The following WDFY2 variants were observed in gnomAD, a reference collection of about 807,000 sequenced individuals.
WDFY2 encodes WD repeat and FYVE domain containing 2, also known as WD repeat and FYVE domain-containing protein 2.
A neutral mutation model predicts 56.4 loss-of-function variants in WDFY2; 36 were observed. The ratio of observed to expected loss-of-function variants is 0.64; its 90% CI spans 0.49 to 0.84. The LOEUF is 0.84. Among genes scored for constraint, WDFY2 ranks in the 40% least tolerant of loss-of-function variants. The pLI, the probability that WDFY2 is intolerant of heterozygous loss-of-function variation, is 0.00. For missense variants in WDFY2, 444 were observed against 512.2 expected, an observed-to-expected ratio of 0.87 and a Z score of 1.29; for synonymous variants, 176 against 183.7, an observed-to-expected ratio of 0.96 and a Z score of 0.34.
At chr13:51,684,925 C>T (rs1956037088) in intron 3 of WDFY2, among the ~76,000 whole-genome samples, 1 of 152,218 alleles carries the variant, frequency 6.6e-6, no homozygotes, top group Non-Finnish European at 1.5e-5. Flanking sequence ...GTTCTATACA[C>T]ATTCCCCTGT....
chr13:51,701,565 A>G (rs940825853), intron 3 of WDFY2, among the ~76,000 whole-genome samples: 4 of 151,638 alleles, frequency 2.6e-5, no homozygotes, highest in Admixed American at 1.3e-4. Flanking sequence ...GACAAAATCT[A>G]AATTTTCTCC....
chr13:51,723,631 G>A (rs1197513537), intron 5 of WDFY2, among the ~76,000 whole-genome samples: 3 of 152,142 alleles, frequency 2.0e-5, no homozygotes, highest in Non-Finnish European at 4.4e-5. Flanking sequence ...TTCAGATTCA[G>A]CCTTTTAGTG....
At chr13:51,590,670 A>C (rs1954025245) in intron 1 of WDFY2, 1 of 152,182 alleles carries the variant, frequency 6.6e-6, no homozygotes, top group South Asian at 2.1e-4. Context: ...GCAGAATAGA[A>C]AGAATTTAAA....
intron 5 of WDFY2, 147 bp from the exon 6 acceptor site, chr13:51,727,531 T>G (rs1202620394): frequency 1.5e-6 from 1 of 662,056 alleles, no homozygotes; most frequent in Non-Finnish European, 2.5e-6. Flanking sequence ...CTTCATTTAG[T>G]TAAGTTCACT....
At chr13:51,700,498 C>A (rs1167476734) in intron 3 of WDFY2, among the ~76,000 whole-genome samples, 2 of 152,120 alleles carry the variant, frequency 1.3e-5, no homozygotes, top group African/African-American at 4.8e-5. Context: ...TTTAAAAACT[C>A]AATTTGGCCA....
intron 1 of WDFY2, among the ~76,000 whole-genome samples, chr13:51,620,198 A>C (rs1318075028): frequency 8.0e-6 from 1 of 125,576 alleles, no homozygotes. Flanking sequence ...TTTCCTCACT[A>C]AGATGGCATC....
intron 7 of WDFY2, among the ~76,000 whole-genome samples, chr13:51,741,708 T>C (rs1437467870): frequency 6.6e-6 from 1 of 152,186 alleles, no homozygotes; most frequent in African/African-American, 2.4e-5. Context: ...CGTTCAATCT[T>C]GCAATAACAC....
Position 51,584,673 on chromosome 13 carries a change from G to C in WDFY2, c.-15G>C. The C allele has an allele frequency of 6.2e-7, 1 of 1,606,400 alleles. No individual in the cohort carries two copies. Among genetic ancestry groups the C allele is most frequent in the Non-Finnish European group, 8.5e-7 (1 of 1,177,382 alleles). On this transcript the variant is annotated 5_prime_UTR_variant, in exon 1 of 12. Coordinates refer to ENST00000298125, the MANE Select transcript of WDFY2 (RefSeq NM_052950.4). ...CGCGGTTGGCGGCGGCGCCCCAGGC[G>C]CGCCCCCTCCTCCGATGGCGGCGGA...
At chr13:51,642,676 CTTT>C (rs999605077) in intron 1 of WDFY2, among the ~76,000 whole-genome samples, 6 of 103,058 alleles carry the variant, frequency 5.8e-5, no homozygotes, top group Non-Finnish European at 5.8e-5. Flanking sequence ...GGGCATCTGT[CTTT>C]TTTTTTTTTT....
chr13:51,640,345 T>C (rs1955131724), intron 1 of WDFY2, among the ~76,000 whole-genome samples: 1 of 152,188 alleles, frequency 6.6e-6, no homozygotes, highest in African/African-American at 2.4e-5. Context: ...CACACAGAAA[T>C]AGCAATATAT....
At chr13:51,627,117 G>A (rs1025257525) in intron 1 of WDFY2, among the ~76,000 whole-genome samples, 3 of 152,220 alleles carry the variant, frequency 2.0e-5, no homozygotes, top group Admixed American at 1.3e-4. Flanking sequence ...TTCTGCTGCA[G>A]GCACCTGTGT....
rs752250308 is a variant in WDFY2 at position 51,727,792 on chromosome 13, TA to T, written c.598+3del. On this transcript the variant is annotated splice_donor_region_variant and intron_variant, in intron 6 of 11. Transcript: ENST00000298125. ...TCACAACATTCAGAGGACACACAGG[TA>T]GGATTAACAGTAAAATCGTCATGTG... The T allele has an allele frequency of 6.2e-7, 1 of 1,613,600 alleles. No homozygotes were observed. The highest frequency in any genetic ancestry group is 8.5e-7 in the Non-Finnish European group (1 of 1,179,664).
intron 11 of WDFY2, 150 bp from the exon 12 acceptor site, chr13:51,759,589 GA>G (rs897710790): frequency 1.8e-5 from 11 of 615,858 alleles, no homozygotes; most frequent in African/African-American, 1.3e-4. Context: ...CTTTTTTGAT[GA>G]AAAAAATATT....
chr13:51,651,250 C>T (rs1460728913), intron 1 of WDFY2, among the ~76,000 whole-genome samples: 7 of 152,212 alleles, frequency 4.6e-5, no homozygotes, highest in Middle Eastern at 3.4e-3. Flanking sequence ...TCTGTGGGAT[C>T]GGTGGTGATA....
chr13:51,685,805 T>C (rs956195300), intron 3 of WDFY2, among the ~76,000 whole-genome samples: 3 of 152,178 alleles, frequency 2.0e-5, no homozygotes, highest in Admixed American at 6.6e-5. Context: ...GTTTTCTTTA[T>C]CTCCATTAGC....
chr13:51,646,336 CTGCCAAA>C (rs1955261799), intron 1 of WDFY2, among the ~76,000 whole-genome samples: 1 of 152,262 alleles, frequency 6.6e-6, no homozygotes, highest in Non-Finnish European at 1.5e-5. Context: ...CCACTTTCCT[CTGCCAAA>C]TGCCTTTTCA....
At chr13:51,707,155 T>C (rs1320172221) in intron 4 of WDFY2, among the ~76,000 whole-genome samples, 1 of 152,186 alleles carries the variant, frequency 6.6e-6, no homozygotes, top group Non-Finnish European at 1.5e-5. Flanking sequence ...ATTTTTAAAG[T>C]TCTTTTTTTG....
rs753704039 is a variant in WDFY2 at position 51,719,272 on chromosome 13, C to A, written c.409C>A (p.Gln137Lys). The change falls in exon 5 of 12, where the codon CAA becomes AAA. Residue 137 changes from glutamine to lysine, a missense_variant. By Grantham distance (53) the Gln-to-Lys change is moderately conservative. Coordinates refer to ENST00000298125, the MANE Select transcript of WDFY2 (RefSeq NM_052950.4). ...GGTGCTGAGCACAGGACAGGACAAG[C>A]AATTTGCCTGGCACTGCTCTGAGAG... Reference protein sequence around the residue: ...EWVLSTGQDKQFAWHCSESGQ... With the variant: ...EWVLSTGQDKKFAWHCSESGQ... 2 of 1,614,130 alleles carry A rather than the reference C, an allele frequency of 1.2e-6. No homozygotes were observed. Among genetic ancestry groups the A allele is most frequent in the East Asian group, 4.5e-5 (2 of 44,892 alleles).
chr13:51,765,455 AAC>A lies in WDFY2; in HGVS notation c.*5692_*5693del, dbSNP rs1275711770. ...ATGTCCCATACCAGGGAATTTTTTT[AAC>A]ACACAGTGTAGAGCCTTTGCCAGAG... is the stretch of plus-strand genomic sequence containing the variant. On this transcript the variant is annotated 3_prime_UTR_variant, in exon 12 of 12. Transcript: ENST00000298125. The A allele has an allele frequency of 1.3e-5, 2 of 152,204 alleles. No individual in the cohort carries two copies. The highest frequency in any genetic ancestry group is 2.4e-5 in the African/African-American group (1 of 41,454). 9.4% of individuals were successfully genotyped at this position (152,204 alleles called of 1,614,324 possible). A position where few individuals can be genotyped will look rare whatever the true frequency, so the allele number is the denominator to read the frequency against.
Sources: allele counts gnomAD v4.1 joint callset (sites outside exome capture counted in the v4.1 genomes callset), GRCh38; gene constraint gnomAD v4.1.1; transcripts MANE v1.5; gene names NCBI Gene and HGNC (gene_info 2026-07-23, HGNC 2026-07-21).